FBXL13: variants seen among roughly 807,000 people sequenced by gnomAD.
FBXL13 encodes the protein F-box and leucine-rich repeat protein 13.
A neutral mutation model predicts 83.6 loss-of-function variants in FBXL13; 67 were observed. The observed-to-expected ratio is 0.80, with a 90% CI of 0.66 to 0.98. The LOEUF is 0.98. FBXL13 is among the 50% of genes least tolerant of loss of function. The pLI is 0.00. For synonymous variants in FBXL13, 272 were observed against 299.5 expected (o/e 0.91, Z 0.95); for missense variants, 822 against 866.5 (o/e 0.95, Z 0.64).
chr7:102,908,937 A>C (rs920761123), intron 11 of FBXL13, among the ~76,000 whole-genome samples: 5 of 152,166 alleles, frequency 3.3e-5, no homozygotes, highest in African/African-American at 1.2e-4. Context: ...GGGGCTCTAC[A>C]ATCAGCAGGT....
At chr7:102,888,805 T>A (rs574341983) in intron 11 of FBXL13, among the ~76,000 whole-genome samples, 10 of 152,050 alleles carry the variant, frequency 6.6e-5, no homozygotes, top group Non-Finnish European at 5.9e-5. Context: ...GGGAGAGGAA[T>A]GAGCCTTTCA....
chr7:102,835,997 A>G (rs566686623), intron 17 of FBXL13, among the ~76,000 whole-genome samples: 1 of 152,318 alleles, frequency 6.6e-6, no homozygotes, highest in South Asian at 2.1e-4. Context: ...TAAAGCAAGA[A>G]AGAATATTTA....
intron 8 of FBXL13, among the ~76,000 whole-genome samples, chr7:102,958,557 AT>A (rs767282682): frequency 0.017 from 2,513 of 148,696 alleles, 45 homozygotes; most frequent in Non-Finnish European, 0.023. Flanking sequence ...AATAATAATA[AT>A]AATAATAATA....
chr7:102,920,596 C>T (rs1208986118), intron 10 of FBXL13, among the ~76,000 whole-genome samples: 1 of 152,084 alleles, frequency 6.6e-6, no homozygotes, highest in Non-Finnish European at 1.5e-5. Context: ...AGTAGTCCGC[C>T]CACTTCAGCC....
chr7:102,863,925 C>A (rs1807248365), intron 16 of FBXL13, among the ~76,000 whole-genome samples: 1 of 152,070 alleles, frequency 6.6e-6, no homozygotes, highest in Admixed American at 6.6e-5. Context: ...ATGCCACCCC[C>A]TAAATATCTC....
intron 10 of FBXL13, among the ~76,000 whole-genome samples, chr7:102,914,576 A>G (rs1233544698): frequency 6.6e-6 from 1 of 152,254 alleles, no homozygotes; most frequent in Non-Finnish European, 1.5e-5. Flanking sequence ...GGGAAATAAG[A>G]TATACAAGCA....
intron 11 of FBXL13, among the ~76,000 whole-genome samples, chr7:102,909,320 G>A (rs1814277157): frequency 6.6e-6 from 1 of 151,754 alleles, no homozygotes; most frequent in Admixed American, 6.6e-5. Context: ...GCCCAAGGCA[G>A]GTCCAGAATT....
chr7:103,012,114 G>A (rs1042360297), intron 6 of FBXL13, among the ~76,000 whole-genome samples: 11 of 152,228 alleles, frequency 7.2e-5, no homozygotes, highest in African/African-American at 1.9e-4. Context: ...AGTGGCTCAC[G>A]CCTGTAATCC....
Position 102,863,955 on chromosome 7 carries a change from C to T in FBXL13, c.1636-9095G>A, listed in dbSNP as rs542628373. Among the ~76,000 whole-genome samples the T allele has an allele frequency of 6.6e-5, 10 of 152,172 alleles. 1 individual carries two copies. The South Asian group carries it at 1.9e-3, about 28-fold the overall frequency. On this transcript the variant is annotated intron_variant, in intron 16 of 19. Coordinates refer to ENST00000313221, the Ensembl canonical transcript of FBXL13. ...TATCTCTCAAATCTGCCCCCTCTGC[C>T]GCCACTATCAAAACCTCATTATTTC...
intron 17 of FBXL13, among the ~76,000 whole-genome samples, chr7:102,850,156 A>G (rs1804954125): frequency 6.6e-6 from 1 of 152,212 alleles, no homozygotes; most frequent in Admixed American, 6.5e-5. Context: ...TCATATAGTT[A>G]CCAAATGGGT....
chr7:103,064,839 T>G (rs1798241804), intron 1 of FBXL13, among the ~76,000 whole-genome samples: 1 of 152,106 alleles, frequency 6.6e-6, no homozygotes, highest in South Asian at 2.1e-4. Context: ...TGTGAGGAAG[T>G]CTAAGCAGCC....
At chr7:102,923,473 A>G (rs1817489185) in intron 10 of FBXL13, among the ~76,000 whole-genome samples, 1 of 152,198 alleles carries the variant, frequency 6.6e-6, no homozygotes. Flanking sequence ...ACACAGATAA[A>G]GTAACATGCA....
intron 6 of FBXL13, among the ~76,000 whole-genome samples, chr7:103,019,903 G>C (rs1489633040): frequency 1.3e-5 from 2 of 152,150 alleles, no homozygotes; most frequent in Non-Finnish European, 2.9e-5. Flanking sequence ...GTACAAGGAG[G>C]AGCTGGTACC....
intron 11 of FBXL13, among the ~76,000 whole-genome samples, chr7:102,891,886 T>C (rs905070991): frequency 2.0e-5 from 3 of 152,246 alleles, no homozygotes; most frequent in Admixed American, 1.3e-4. Flanking sequence ...AAATTGTTCA[T>C]AGTTTCCCTT....
intron 14 of FBXL13, among the ~76,000 whole-genome samples, chr7:102,879,776 A>G (rs2129458383): frequency 6.6e-6 from 1 of 152,200 alleles, no homozygotes. Context: ...GCACGATCTC[A>G]GCTCACTACA....
rs1409556128 is a variant in FBXL13 at position 102,822,204 on chromosome 7, C to A, written c.1855-1G>T. The A allele has an allele frequency of 1.6e-5, 26 of 1,613,844 alleles. No homozygotes were observed. In the Admixed American group the frequency reaches 4.3e-4, roughly 27 times the overall value. Reference sequence around the variant, plus strand: ...ACATCTCCATTGCTGAGTCAGTAATCTGAACACAGAGCCAAAGTAAGTACT... The same window carrying A: ...ACATCTCCATTGCTGAGTCAGTAATATGAACACAGAGCCAAAGTAAGTACT... On this transcript the variant is annotated splice_acceptor_variant, in intron 18 of 19. Coordinates refer to ENST00000313221, the Ensembl canonical transcript of FBXL13. LOFTEE classifies it high-confidence loss of function.
At chr7:102,957,195 C>G (rs555518985) in intron 8 of FBXL13, among the ~76,000 whole-genome samples, 36 of 152,198 alleles carry the variant, frequency 2.4e-4, no homozygotes, top group African/African-American at 8.4e-4. Context: ...ATATATACAC[C>G]AATGGAACAG....
intron 10 of FBXL13, among the ~76,000 whole-genome samples, chr7:102,914,916 G>A (rs933192278): frequency 6.6e-6 from 1 of 152,140 alleles, no homozygotes; most frequent in Non-Finnish European, 1.5e-5. Context: ...GGGGTGGGGA[G>A]AGGCACACCA....
chr7:103,068,964 C>G (rs546415874), intron 1 of FBXL13, among the ~76,000 whole-genome samples: 27 of 152,372 alleles, frequency 1.8e-4, no homozygotes, highest in Non-Finnish European at 3.5e-4. Flanking sequence ...ACCACGCCAT[C>G]TGGGAAGTAA....
Sources: allele counts gnomAD v4.1 joint callset (sites outside exome capture counted in the v4.1 genomes callset), GRCh38; gene constraint gnomAD v4.1.1; transcripts MANE v1.5; gene names NCBI Gene and HGNC (gene_info 2026-07-23, HGNC 2026-07-21).